Variants in DSE observed in about 807,000 individuals in gnomAD.
DSE encodes dermatan sulfate epimerase.
DSE carries 36 observed loss-of-function variants against 84.4 expected under a neutral mutation model. That is an observed-to-expected ratio of 0.43 (90% confidence interval 0.33 to 0.56). DSE has a LOEUF of 0.56. DSE is among the 20% of genes least tolerant of loss of function. The pLI, the probability that DSE is intolerant of heterozygous loss-of-function variation, is 0.06. For synonymous variants in DSE, 410 were observed against 430.1 expected, an observed-to-expected ratio of 0.95 and a Z score of 0.58; for missense variants, 862 against 1,169.6, an observed-to-expected ratio of 0.74 and a Z score of 3.84.
chr6:116,307,304 G>C (rs914244239), intron 2 of DSE, among the ~76,000 whole-genome samples: 1 of 152,154 alleles, frequency 6.6e-6, no homozygotes, highest in African/African-American at 2.4e-5. Flanking sequence ...TCTTGAATTT[G>C]TGACAAGATA....
chr6:116,332,967 C>G (rs1413126122), intron 2 of DSE, among the ~76,000 whole-genome samples: 1 of 152,144 alleles, frequency 6.6e-6, no homozygotes, highest in Non-Finnish European at 1.5e-5. Context: ...ATTAAAACCA[C>G]AGTTATATAC....
intron 2 of DSE, among the ~76,000 whole-genome samples, chr6:116,283,890 A>G (rs1013748669): frequency 6.6e-6 from 1 of 152,222 alleles, no homozygotes; most frequent in African/African-American, 2.4e-5. Flanking sequence ...GAATAAAATA[A>G]ACCTCAAATT....
intron 2 of DSE, among the ~76,000 whole-genome samples, chr6:116,415,458 C>T (rs574156414): frequency 6.6e-6 from 1 of 152,118 alleles, no homozygotes; most frequent in African/African-American, 2.4e-5. Flanking sequence ...TGGATTCTTT[C>T]AATATGGAAA....
At chr6:116,296,931 T>C (rs1030644396) in intron 2 of DSE, among the ~76,000 whole-genome samples, 2 of 152,028 alleles carry the variant, frequency 1.3e-5, no homozygotes, top group African/African-American at 4.8e-5. Flanking sequence ...TCATTTGCGC[T>C]GTTTTGTGGG....
intron 2 of DSE, among the ~76,000 whole-genome samples, chr6:116,302,384 C>A (rs1280143965): frequency 6.6e-6 from 1 of 152,150 alleles, no homozygotes; most frequent in African/African-American, 2.4e-5. Context: ...CTCTAATGAC[C>A]AGTGATGATG....
At chr6:116,271,497 G>C (rs1403689048) in intron 2 of DSE, among the ~76,000 whole-genome samples, 1 of 152,162 alleles carries the variant, frequency 6.6e-6, no homozygotes, top group African/African-American at 2.4e-5. Flanking sequence ...AGATTCTTGA[G>C]AGGGCCCCAG....
At chr6:116,427,220 C>T (rs552842055) in intron 3 of DSE, among the ~76,000 whole-genome samples, 1 of 152,310 alleles carries the variant, frequency 6.6e-6, no homozygotes, top group South Asian at 2.1e-4. Context: ...AGATGTGAAT[C>T]ATAACACCAC....
intron 2 of DSE, among the ~76,000 whole-genome samples, chr6:116,310,058 G>C (rs999047503): frequency 1.1e-4 from 16 of 152,094 alleles, no homozygotes; most frequent in African/African-American, 3.9e-4. Context: ...CAGGTTTTCT[G>C]CTAGGCACCT....
chr6:116,403,618 G>A (rs1299415961), intron 2 of DSE, among the ~76,000 whole-genome samples: 3 of 152,114 alleles, frequency 2.0e-5, no homozygotes, highest in Non-Finnish European at 4.4e-5. Flanking sequence ...CATCTAAAAC[G>A]CACCATGAGT....
chr6:116,278,727 G>C, intron 2 of DSE: 1 of 1,614,150 alleles, frequency 6.2e-7, no homozygotes, highest in Non-Finnish European at 8.5e-7. Flanking sequence ...CTTGGTTTCT[G>C]CGAATGAAGG....
In DSE at chr6:116,434,990, C is replaced by T. The variant is rs146756162; in HGVS notation, c.1119-597C>T. ...CAGTAGTAGGCACAATTATAAATCC[C>T]TCAATATAAGACAGTTTGCTGAAAC... is the stretch of plus-strand genomic sequence containing the variant. On this transcript the variant is annotated intron_variant, in intron 5 of 5. Coordinates refer to ENST00000644252, the MANE Select transcript of DSE (RefSeq NM_013352.4). Among the ~76,000 whole-genome samples the T allele has an allele frequency of 2.8e-3, 433 of 152,274 alleles. 2 individuals carry two copies. Among genetic ancestry groups the T allele is most frequent in the Middle Eastern group, 0.02 (6 of 294 alleles).
intron 1 of DSE, among the ~76,000 whole-genome samples, chr6:116,377,535 AAGAAATAACTGACT>A (rs1167410026): frequency 6.6e-6 from 1 of 152,182 alleles, no homozygotes; most frequent in Non-Finnish European, 1.5e-5. Flanking sequence ...TGCTCATTTA[AAGAAATAACTGACT>A]AGAAATGGAC....
intron 2 of DSE, among the ~76,000 whole-genome samples, chr6:116,283,475 C>T (rs1156504973): frequency 6.6e-6 from 1 of 152,174 alleles, no homozygotes; most frequent in African/African-American, 2.4e-5. Context: ...ATAGTTGCAG[C>T]TTCTTTTGCA....
intron 1 of DSE, among the ~76,000 whole-genome samples, chr6:116,258,148 T>G (rs2114588994): frequency 6.6e-6 from 1 of 151,948 alleles, no homozygotes; most frequent in Admixed American, 6.6e-5. Flanking sequence ...CCCAAGTAGC[T>G]GGGATTACAG....
chr6:116,378,927 A>C (rs1780074644), intron 1 of DSE, among the ~76,000 whole-genome samples: 1 of 152,166 alleles, frequency 6.6e-6, no homozygotes, highest in Non-Finnish European at 1.5e-5. Flanking sequence ...TGATTAAAAT[A>C]TGGGTGTTGC....
At position 116,256,987 on chromosome 6, in the gene DSE, A is replaced by C. The variant is rs911756453; in HGVS notation, c.-575-1459A>C. Among the ~76,000 whole-genome samples the C allele has an allele frequency of 3.0e-4, 45 of 152,212 alleles. 2 individuals are homozygous for C. Among genetic ancestry groups the C allele is most frequent in the Non-Finnish European group, 1.5e-5 (1 of 68,030 alleles). On this transcript the variant is annotated intron_variant, in intron 1 of 3. Transcript: ENST00000430252. ...ATCTATGAGGTAATTTTTATTTGCAAGGAGAAAAGATATTTAATGGAAGTT... is the reference window on the plus strand; with the variant it reads ...ATCTATGAGGTAATTTTTATTTGCACGGAGAAAAGATATTTAATGGAAGTT...
At chr6:116,423,117 G>A (rs556496787) in intron 2 of DSE, 26 of 152,240 alleles carry the variant, frequency 1.7e-4, no homozygotes, top group African/African-American at 3.4e-4. Context: ...TAGAGTTACC[G>A]GCTGAGCAAG....
At chr6:116,396,293 T>A (rs746574873) in intron 1 of DSE, among the ~76,000 whole-genome samples, 1 of 152,304 alleles carries the variant, frequency 6.6e-6, no homozygotes, top group East Asian at 1.9e-4. Flanking sequence ...TATAGGTATG[T>A]GCCAGATACA....
chr6:116,327,148 G>A (rs889361764), intron 2 of DSE, among the ~76,000 whole-genome samples: 5 of 152,174 alleles, frequency 3.3e-5, no homozygotes, highest in East Asian at 1.9e-4. Context: ...GGAAAAAGTC[G>A]AGGATTGGAA....
Sources: allele counts gnomAD v4.1 joint callset (sites outside exome capture counted in the v4.1 genomes callset), GRCh38; gene constraint gnomAD v4.1.1; transcripts MANE v1.5; gene names NCBI Gene and HGNC (gene_info 2026-07-23, HGNC 2026-07-21).